SPSB1: variants seen among roughly 807,000 people sequenced by gnomAD.
SPSB1 encodes SPRY domain-containing SOCS box protein 1.
A neutral mutation model predicts 21.2 loss-of-function variants in SPSB1; 8 were observed. The observed-to-expected ratio is 0.38, with a 90% confidence interval of 0.22 to 0.68. The LOEUF (loss-of-function observed/expected upper bound fraction) is 0.68, where lower values mean the gene tolerates loss of function less well. Ranked by LOEUF, SPSB1 falls within the 30% of genes least tolerant of loss-of-function variation. SPSB1 has a pLI of 0.53. For synonymous variants in SPSB1, 169 were observed against 161.7 expected (o/e 1.05, Z -0.34); for missense variants, 242 against 377.8 (o/e 0.64, Z 2.98).
At chr1:9,349,999 C>T (rs771365894) in intron 1 of SPSB1, among the ~76,000 whole-genome samples, 3 of 151,978 alleles carry the variant, frequency 2.0e-5, no homozygotes, top group Non-Finnish European at 2.9e-5. Context: ...CGTGTACCTA[C>T]ATGCACACAC....
chr1:9,293,017 C>A lies in SPSB1; in HGVS notation c.-204C>A. 1.0e-6 allele frequency: 1 copy of A among 982,528 alleles called. No homozygotes were observed. The highest frequency in any genetic ancestry group is 4.6e-5 in the South Asian group (1 of 21,964). The allele number at this position is 982,528 out of a possible 1,614,324, so 60.9% of individuals were successfully genotyped here. ...CTCCCTGCGGCGGGCGCGGCCCGGG[C>A]GCCCGAGCCTCCTCGGCCTTGGAGA... On this transcript the variant is annotated 5_prime_UTR_variant, in exon 1 of 3. Transcript: ENST00000328089. This position sits in a 1 kb window ranked among gnomAD's most constrained non-coding sequence, Gnocchi z 5.1.
At position 9,367,963 on chromosome 1, in the gene SPSB1, G is replaced by A. The variant is rs1640606680; in HGVS notation, c.*388G>A. On this transcript the variant is annotated 3_prime_UTR_variant, in exon 3 of 3. Transcript: ENST00000328089. This position sits in a 1 kb window ranked among gnomAD's most constrained non-coding sequence, Gnocchi z 5.9. Reference sequence around the variant, plus strand: ...GGGTCCCAGGGTGGTGGGGGTGGCAGGTGGTACCACAGCTCTGAGAGCAGA... The same window carrying A: ...GGGTCCCAGGGTGGTGGGGGTGGCAAGTGGTACCACAGCTCTGAGAGCAGA... 2 of 202,770 alleles carry A rather than the reference G, an allele frequency of 9.9e-6. No homozygotes were observed. Among genetic ancestry groups the A allele is most frequent in the South Asian group, 1.7e-4 (2 of 11,682 alleles). The allele number at this position is 202,770 out of a possible 1,614,324, so 12.6% of individuals were successfully genotyped here.
At chr1:9,334,713 C>T (rs1034781063) in intron 1 of SPSB1, among the ~76,000 whole-genome samples, 8 of 152,198 alleles carry the variant, frequency 5.3e-5, no homozygotes, top group East Asian at 3.8e-4. Context: ...TCCTGCTCCC[C>T]GGAGCTCCTG....
chr1:9,353,204 C>G (rs1045602127), intron 1 of SPSB1, among the ~76,000 whole-genome samples: 1 of 152,030 alleles, frequency 6.6e-6, no homozygotes, highest in African/African-American at 2.4e-5. Context: ...CCCGGCCCCT[C>G]GAGAGCCGCC....
At chr1:9,333,847 C>T (rs1275125610) in intron 1 of SPSB1, among the ~76,000 whole-genome samples, 1 of 152,192 alleles carries the variant, frequency 6.6e-6, no homozygotes, top group Non-Finnish European at 1.5e-5. Context: ...CAGCGCGGCT[C>T]CGGGGAAAAC....
intron 1 of SPSB1, among the ~76,000 whole-genome samples, chr1:9,352,835 C>T (rs1310429040): frequency 6.6e-6 from 1 of 150,734 alleles, no homozygotes; most frequent in Non-Finnish European, 1.5e-5. Flanking sequence ...CCACCCTCCC[C>T]TCCCTCCCCC....
At chr1:9,332,612 G>A (rs1345859946) in intron 1 of SPSB1, among the ~76,000 whole-genome samples, 1 of 152,162 alleles carries the variant, frequency 6.6e-6, no homozygotes, top group Non-Finnish European at 1.5e-5. Context: ...CCTGTGGAGG[G>A]AGAGACCCTC....
At chr1:9,320,416 T>A (rs568711081) in intron 1 of SPSB1, among the ~76,000 whole-genome samples, 1 of 152,150 alleles carries the variant, frequency 6.6e-6, no homozygotes, top group East Asian at 2.0e-4. Context: ...GCCCCACGTG[T>A]GTGCAGATAT....
At position 9,346,581 on chromosome 1, in the gene SPSB1, G is replaced by A. The variant is rs114832327; in HGVS notation, c.-149-9162G>A. Among the ~76,000 whole-genome samples, 1,598 of 152,358 alleles carry A rather than the reference G, an allele frequency of 0.01. 11 individuals carry two copies. The highest frequency in any genetic ancestry group is 0.014 in the Non-Finnish European group (972 of 68,036). On this transcript the variant is annotated intron_variant, in intron 1 of 2. Coordinates refer to ENST00000328089, the MANE Select transcript of SPSB1 (RefSeq NM_025106.4). The surrounding 1 kb of genome is among the most constrained non-coding windows in gnomAD (Gnocchi z 4.4). ...TGATCTGAAAGCATTTTGGGGGAAG[G>A]TGGGGTCTGCAGGGTTGTGGCTTTA...
chr1:9,296,126 G>C (rs765583689), intron 1 of SPSB1, among the ~76,000 whole-genome samples: 1 of 152,146 alleles, frequency 6.6e-6, no homozygotes, highest in Non-Finnish European at 1.5e-5. Context: ...CTTTATGGAC[G>C]TGACTTTGTT....
At chr1:9,312,659 A>G (rs1392004391) in intron 1 of SPSB1, among the ~76,000 whole-genome samples, 1 of 152,170 alleles carries the variant, frequency 6.6e-6, no homozygotes, top group Non-Finnish European at 1.5e-5. Flanking sequence ...CGAGCAGCTC[A>G]TGAGCTGAAT....
chr1:9,313,649 G>T (rs1018901950), intron 1 of SPSB1, among the ~76,000 whole-genome samples: 1 of 152,160 alleles, frequency 6.6e-6, no homozygotes, highest in African/African-American at 2.4e-5. Context: ...AAAGGAGAGG[G>T]CATGGGTGGG....
chr1:9,352,242 A>T (rs1640270978), intron 1 of SPSB1, among the ~76,000 whole-genome samples: 1 of 152,186 alleles, frequency 6.6e-6, no homozygotes, highest in African/African-American at 2.4e-5. Context: ...CAGACAGTGG[A>T]TGTCCCACGT....
In SPSB1 at chr1:9,293,043, G is replaced by C. The variant is rs1252382670; in HGVS notation, c.-178G>C. The C allele has an allele frequency of 1.3e-5, 13 of 980,994 alleles. No individual in the cohort carries two copies. In the East Asian group the frequency reaches 1.4e-3, roughly 105 times the overall value. 60.8% of individuals were successfully genotyped at this position (980,994 alleles called of 1,614,324 possible). On this transcript the variant is annotated 5_prime_UTR_variant, in exon 1 of 3. Coordinates refer to ENST00000328089, the MANE Select transcript of SPSB1 (RefSeq NM_025106.4). This position sits in a 1 kb window ranked among gnomAD's most constrained non-coding sequence, Gnocchi z 5.1. ...GCCCGAGCCTCCTCGGCCTTGGAGAGCAGCGGCGGCGGCGGCACCCCGGGC... is the reference window on the plus strand; with the variant it reads ...GCCCGAGCCTCCTCGGCCTTGGAGACCAGCGGCGGCGGCGGCACCCCGGGC...
At position 9,355,818 on chromosome 1, in the gene SPSB1, A is replaced by G. The variant is rs1370771284; in HGVS notation, c.-74A>G. Reference sequence around the variant, plus strand: ...AGGAATTCTGTCTGGCCCCGATCAGAATACTGGAGACGAGACCACGAGATT... The same window carrying G: ...AGGAATTCTGTCTGGCCCCGATCAGGATACTGGAGACGAGACCACGAGATT... On this transcript the variant is annotated 5_prime_UTR_variant, in exon 2 of 3. Coordinates refer to ENST00000328089, the MANE Select transcript of SPSB1 (RefSeq NM_025106.4). 4.0e-6 allele frequency: 6 copies of G among 1,511,620 alleles called. No homozygotes were observed. Among genetic ancestry groups the G allele is most frequent in the Non-Finnish European group, 5.3e-6 (6 of 1,130,662 alleles). 93.6% of individuals were successfully genotyped at this position (1,511,620 alleles called of 1,614,324 possible).
chr1:9,361,895 G>A (rs1640486434), intron 2 of SPSB1, among the ~76,000 whole-genome samples: 1 of 152,236 alleles, frequency 6.6e-6, no homozygotes, highest in African/African-American at 2.4e-5. Context: ...GGCTGTCCAG[G>A]GGGAGCCCCT....
intron 1 of SPSB1, among the ~76,000 whole-genome samples, chr1:9,319,389 C>T (rs1290864304): frequency 6.6e-6 from 1 of 150,938 alleles, no homozygotes; most frequent in Non-Finnish European, 1.5e-5. Context: ...AGGTGCTTTG[C>T]TTCTCCTCCC....
At chr1:9,315,196 C>T (rs1459946647) in intron 1 of SPSB1, among the ~76,000 whole-genome samples, 1 of 152,218 alleles carries the variant, frequency 6.6e-6, no homozygotes, top group Non-Finnish European at 1.5e-5. Flanking sequence ...GGCCCTCTGC[C>T]TGCCTCCCCA....
At chr1:9,351,462 TAGGTA>T (rs1640257654) in intron 1 of SPSB1, 1 of 152,178 alleles carries the variant, frequency 6.6e-6, no homozygotes, top group African/African-American at 2.4e-5. Context: ...CACTGAGTTT[TAGGTA>T]AGTGTGTGAC....
Sources: gnomAD v4.1 joint callset for allele counts (sites outside exome capture counted in the v4.1 genomes callset) on GRCh38, gnomAD v4.1.1 for gene constraint, Gnocchi (gnomAD v3.1) non-coding constraint, MANE v1.5 for transcripts, NCBI Gene and HGNC (gene_info 2026-07-23, HGNC 2026-07-21) for gene names.